Variants in ADGRV1 observed in about 807,000 individuals in gnomAD.
ADGRV1 encodes the protein G-protein coupled receptor 98.
In ADGRV1, 359 loss-of-function variants were observed where a neutral mutation model predicts 596.2. The ratio of observed to expected loss-of-function variants is 0.60; its 90% CI spans 0.55 to 0.66. ADGRV1 has a LOEUF of 0.66. Among genes scored for constraint, ADGRV1 ranks in the 30% least tolerant of loss-of-function variants. The pLI is 0.00. For synonymous variants in ADGRV1, 2,681 were observed against 2,679.2 expected (o/e 1.00, Z -0.02); for missense variants, 7,274 against 7,575.6 (o/e 0.96, Z 1.48).
Position 90,753,830 on chromosome 5 carries a change from G to A in ADGRV1, c.11377+1G>A, listed in dbSNP as rs2149966329. 6.3e-7 allele frequency: 1 copy of A among 1,587,854 alleles called. No individual in the cohort carries two copies. The highest frequency in any genetic ancestry group is 8.6e-7 in the Non-Finnish European group (1 of 1,165,584). ...TTCATTAGAGTAGCAGAGCCTAAAGGTAAATATTGTTAAATATCTTTCAAG... is the reference window on the plus strand; with the variant it reads ...TTCATTAGAGTAGCAGAGCCTAAAGATAAATATTGTTAAATATCTTTCAAG... On this transcript the variant is annotated splice_donor_variant, in intron 54 of 89. Transcript: ENST00000405460. LOFTEE classifies it high-confidence loss of function.
At chr5:90,753,440 A>C (rs1164125819) in intron 53 of ADGRV1, 134 bp from the exon 54 acceptor site, 1 of 602,922 alleles carries the variant, frequency 1.7e-6, no homozygotes, top group East Asian at 2.8e-5. Flanking sequence ...TTGTAGAATC[A>C]TATTATTATG....
chr5:91,027,497 G>A (rs994813192), intron 85 of ADGRV1, among the ~76,000 whole-genome samples: 2 of 152,152 alleles, frequency 1.3e-5, no homozygotes, highest in Non-Finnish European at 2.9e-5. Context: ...AAGAAGGAAA[G>A]TCAAAAAGGC....
Position 90,671,312 on chromosome 5 carries a change from C to A in ADGRV1, c.4753-1234C>A, listed in dbSNP as rs375156044. ...TTTAGACTCCACTGGATTAGAAATTCTGGTTCTGGCAGTGGGGCTGGGGGA... is the reference window on the plus strand; with the variant it reads ...TTTAGACTCCACTGGATTAGAAATTATGGTTCTGGCAGTGGGGCTGGGGGA... On this transcript the variant is annotated intron_variant, in intron 21 of 89. Coordinates refer to ENST00000405460, the MANE Select transcript of ADGRV1 (RefSeq NM_032119.4). Among the ~76,000 whole-genome samples the A allele has an allele frequency of 3.9e-5, 6 of 152,210 alleles. No homozygotes were observed. The East Asian group carries it at 7.7e-4, about 20-fold the overall frequency.
Position 90,614,914 on chromosome 5 carries a change from A to C in ADGRV1, c.102A>C (p.Arg34Ser), listed in dbSNP as rs371863610. The C allele has an allele frequency of 1.4e-5, 22 of 1,606,798 alleles. No individual in the cohort carries two copies. Among genetic ancestry groups the C allele is most frequent in the Non-Finnish European group, 1.9e-5 (22 of 1,175,622 alleles). The change falls in exon 2 of 90, where the codon AGA (arginine) becomes AGC (serine). Residue 34 changes from arginine to serine, a missense_variant. Transcript: ENST00000405460. ...ILFVFGETEI[R>S]FTGQTEFVVN... The stretch of plus-strand genomic sequence containing the variant: ...TTGTGTTTGGAGAAACAGAAATAAG[A>C]TTTACTGGACAAACTGAATTTGTTG...
At chr5:91,062,075 G>A (rs944598396) in intron 85 of ADGRV1, among the ~76,000 whole-genome samples, 1 of 152,208 alleles carries the variant, frequency 6.6e-6, no homozygotes, top group Non-Finnish European at 1.5e-5. Flanking sequence ...CTAGAAACCA[G>A]AGCCACATTG....
intron 85 of ADGRV1, among the ~76,000 whole-genome samples, chr5:91,000,347 T>A (rs2151103783): frequency 6.6e-6 from 1 of 152,288 alleles, no homozygotes; most frequent in African/African-American, 2.4e-5. Context: ...CATCCCCATT[T>A]TTAATATTTA....
Position 90,854,097 on chromosome 5 carries a change from A to G in ADGRV1, c.17490A>G (p.Gln5830=). ...TGAGTGTGAAAGGTCAGAGTTCACA[A>G]CTCCTGACTAATGACAATGAGGTTC... ...LSLSVKGQSS[Q]LLTNDNEVLY... is the part of the protein sequence containing the mutation. Residue 5830 remains glutamine (Q), a synonymous_variant, in exon 81 of 90, where the codon CAA becomes CAG. Coordinates refer to ENST00000405460, the MANE Select transcript of ADGRV1 (RefSeq NM_032119.4). The G allele has an allele frequency of 1.9e-6, 3 of 1,585,172 alleles. No homozygotes were observed. The highest frequency in any genetic ancestry group is 1.7e-4 in the Middle Eastern group (1 of 5,852).
chr5:90,969,921 C>T (rs568463618), intron 84 of ADGRV1, among the ~76,000 whole-genome samples: 5 of 152,310 alleles, frequency 3.3e-5, no homozygotes, highest in South Asian at 2.1e-4. Context: ...CGAAGCAGGG[C>T]GAGGCATCGC....
At chr5:91,117,763 T>C (rs1792979106) in intron 87 of ADGRV1, among the ~76,000 whole-genome samples, 1 of 152,204 alleles carries the variant, frequency 6.6e-6, no homozygotes, top group Non-Finnish European at 1.5e-5. Flanking sequence ...AATGCTAAAC[T>C]GATGATACTG....
At position 90,863,868 on chromosome 5, in the gene ADGRV1, G is replaced by C; in HGVS notation, c.17856+11G>C. On this transcript the variant is annotated intron_variant, in intron 83 of 89. Coordinates refer to ENST00000405460, the MANE Select transcript of ADGRV1 (RefSeq NM_032119.4). ...AGCTTAGGTACACAGGTAGGAGAGC[G>C]CTGGCATTTTTGATTTATCGTGAGA... The C allele has an allele frequency of 6.4e-7, 1 of 1,552,218 alleles. No individual in the cohort carries two copies. The highest frequency in any genetic ancestry group is 2.2e-5 in the East Asian group (1 of 44,568).
intron 3 of ADGRV1, 78 bp downstream of exon 3, chr5:90,618,031 T>A: frequency 4.4e-6 from 5 of 1,126,216 alleles, no homozygotes; most frequent in Non-Finnish European, 6.2e-6. Flanking sequence ...TGCTTAACAA[T>A]CTATCTATCT....
chr5:90,761,252 A>G (rs994479729), intron 58 of ADGRV1, among the ~76,000 whole-genome samples: 18 of 152,188 alleles, frequency 1.2e-4, no homozygotes, highest in African/African-American at 4.1e-4. Flanking sequence ...TGGGACCTGT[A>G]AGAGGGAGAG....
rs1184623279 is a variant in ADGRV1 at position 90,778,760 on chromosome 5, A to G, written c.12850-105A>G. The G allele has an allele frequency of 3.7e-6, 4 of 1,088,454 alleles. 1 individual carries two copies. The South Asian group carries it at 7.6e-5, about 21-fold the overall frequency. The allele number at this position is 1,088,454 out of a possible 1,614,324, so 67.4% of individuals were successfully genotyped here. A position where few individuals can be genotyped will look rare whatever the true frequency, so the allele number is the denominator to read the frequency against. ...ATAATCTATATAATTTTATAACCTT[A>G]TATGTAATTTTAACACAATCCTGGT... On this transcript the variant is annotated intron_variant, in intron 63 of 89. Coordinates refer to ENST00000405460, the MANE Select transcript of ADGRV1 (RefSeq NM_032119.4).
At position 90,746,086 on chromosome 5, in the gene ADGRV1, T is replaced by C. The variant is rs78347468; in HGVS notation, c.10974+291T>C. Among the ~76,000 whole-genome samples, 1,811 of 152,234 alleles carry C rather than the reference T, an allele frequency of 0.012. 34 individuals are homozygous for C. Among genetic ancestry groups the C allele is most frequent in the African/African-American group, 0.042 (1,740 of 41,554 alleles). ...TTACAAGTTGATCTTGGTCTGAAAGTTTGGCTCTGCTGTTAGCTGTTACCA... is the reference window on the plus strand; with the variant it reads ...TTACAAGTTGATCTTGGTCTGAAAGCTTGGCTCTGCTGTTAGCTGTTACCA... On this transcript the variant is annotated intron_variant, in intron 52 of 89. Transcript: ENST00000405460.
At chr5:91,009,783 TG>T (rs1782579989) in intron 85 of ADGRV1, among the ~76,000 whole-genome samples, 1 of 152,092 alleles carries the variant, frequency 6.6e-6, no homozygotes, top group Non-Finnish European at 1.5e-5. Flanking sequence ...CACACTAAAT[TG>T]ACTGGATTTC....
chr5:90,687,455 A>G (rs911462918), intron 29 of ADGRV1, among the ~76,000 whole-genome samples: 2 of 152,144 alleles, frequency 1.3e-5, no homozygotes, highest in African/African-American at 4.8e-5. Context: ...CTGAATGGGC[A>G]AAAACTGGAA....
intron 84 of ADGRV1, among the ~76,000 whole-genome samples, chr5:90,980,513 A>C (rs1319276421): frequency 1.3e-5 from 2 of 152,224 alleles, no homozygotes; most frequent in Non-Finnish European, 2.9e-5. Flanking sequence ...ACATGACTAC[A>C]TTGTGAGGGT....
At chr5:91,072,341 C>T in intron 85 of ADGRV1, 106 bp from the exon 86 acceptor site, 2 of 996,042 alleles carry the variant, frequency 2.0e-6, no homozygotes, top group East Asian at 4.9e-5. Context: ...ATGTTGCCAG[C>T]ATCTGGATAC....
At chr5:90,701,849 A>G (rs1019614705) in intron 34 of ADGRV1, among the ~76,000 whole-genome samples, 22 of 151,828 alleles carry the variant, frequency 1.4e-4, no homozygotes, top group African/African-American at 5.1e-4. Context: ...TGCAACTGCA[A>G]TTTTATTATT....
Sources: allele counts gnomAD v4.1 joint callset (sites outside exome capture counted in the v4.1 genomes callset), GRCh38; gene constraint gnomAD v4.1.1; transcripts MANE v1.5; gene names NCBI Gene and HGNC (gene_info 2026-07-23, HGNC 2026-07-21).